CLASP2: variants seen among roughly 807,000 people sequenced by gnomAD.
The protein encoded by CLASP2 is CLIP-associating protein 2.
CLASP2 carries 47 observed loss-of-function variants against 194.4 expected under a neutral mutation model. That is an observed-to-expected ratio of 0.24 (90% confidence interval 0.19 to 0.31). The LOEUF is 0.31. Among genes scored for constraint, CLASP2 ranks in the 10% least tolerant of loss-of-function variants. CLASP2 has a pLI of 1.00. For missense variants in CLASP2, 1,445 were observed against 1,823.6 expected (o/e 0.79, Z 3.78); for synonymous variants, 619 against 633.5 (o/e 0.98, Z 0.34).
chr3:33,683,247 AC>A (rs1259247291), intron 6 of CLASP2: 2 of 152,226 alleles, frequency 1.3e-5, no homozygotes, highest in Non-Finnish European at 2.9e-5. Flanking sequence ...TGAAACAATG[AC>A]AAAAAATATT....
chr3:33,525,114 A>T (rs552126703), intron 34 of CLASP2, among the ~76,000 whole-genome samples: 2 of 152,362 alleles, frequency 1.3e-5, no homozygotes, highest in Admixed American at 1.3e-4. Flanking sequence ...AATCAGTAAC[A>T]GAAGTAAAAC....
intron 34 of CLASP2, among the ~76,000 whole-genome samples, chr3:33,522,651 TTAAGA>T (rs767738811): frequency 1.1e-4 from 16 of 151,944 alleles, no homozygotes; most frequent in Non-Finnish European, 1.8e-4. Context: ...CTCTAAGAAG[TTAAGA>T]TGTGTATAAA....
chr3:33,701,587 C>A (rs1445861169), intron 1 of CLASP2, among the ~76,000 whole-genome samples: 1 of 152,150 alleles, frequency 6.6e-6, no homozygotes, highest in East Asian at 1.9e-4. Flanking sequence ...CAGAGTAATA[C>A]CCTGTCTCAA....
chr3:33,556,550 C>T (rs2060963025), intron 29 of CLASP2, among the ~76,000 whole-genome samples: 1 of 152,006 alleles, frequency 6.6e-6, no homozygotes. Context: ...ATTCTCCTGC[C>T]TCAGCCTCCC....
At position 33,581,828 on chromosome 3, in the gene CLASP2, C is replaced by T. The variant is rs1460799052; in HGVS notation, c.2340G>A (p.Gln780=). Residue 780 remains glutamine, a synonymous_variant, in exon 23 of 39, where the codon CAG becomes CAA. Coordinates refer to ENST00000682230, the MANE Select transcript of CLASP2 (RefSeq NM_001365631.1). Reference sequence around the variant, plus strand: ...ACCTGCCCGAATACGTACCGAGGGGCTGAAAAGAGCGAACAGGACTTGTGT... The same window carrying T: ...ACCTGCCCGAATACGTACCGAGGGGTTGAAAAGAGCGAACAGGACTTGTGT... ...SRDTSPVRSF[Q]PLGPGYGISQ... is the part of the protein sequence containing the mutation. 1 of 1,612,274 alleles carries T rather than the reference C, an allele frequency of 6.2e-7. No homozygotes were observed. The highest frequency in any genetic ancestry group is 8.5e-7 in the Non-Finnish European group (1 of 1,178,778).
chr3:33,517,272 T>A, intron 34 of CLASP2, 98 bp from the exon 35 acceptor site: 1 of 896,968 alleles, frequency 1.1e-6, no homozygotes, highest in Non-Finnish European at 1.6e-6. Flanking sequence ...GATATAACCA[T>A]CATGTTTGCT....
chr3:33,586,133 T>C (rs1046447822), intron 21 of CLASP2, among the ~76,000 whole-genome samples: 1 of 151,888 alleles, frequency 6.6e-6, no homozygotes, highest in Non-Finnish European at 1.5e-5. Flanking sequence ...TCCTTTTCTT[T>C]CTTTTCTTTT....
At chr3:33,642,173 C>T (rs564174055) in intron 8 of CLASP2, among the ~76,000 whole-genome samples, 3 of 151,888 alleles carry the variant, frequency 2.0e-5, no homozygotes, top group South Asian at 4.1e-4. Flanking sequence ...CACTAAAAAT[C>T]CCTGAATCTT....
At chr3:33,536,421 G>C (rs963873923) in intron 33 of CLASP2, among the ~76,000 whole-genome samples, 7 of 152,186 alleles carry the variant, frequency 4.6e-5, no homozygotes, top group African/African-American at 1.7e-4. Flanking sequence ...AATCAGCCAA[G>C]GGGCTATCTG....
At chr3:33,522,043 C>T (rs892672193) in intron 34 of CLASP2, among the ~76,000 whole-genome samples, 2 of 151,970 alleles carry the variant, frequency 1.3e-5, no homozygotes, top group African/African-American at 4.8e-5. Flanking sequence ...CTTCCAAAGA[C>T]CCTTTCCAAG....
At chr3:33,571,014 A>ATTTTTTTTTTTT (rs1276472825) in intron 25 of CLASP2, among the ~76,000 whole-genome samples, 1 of 127,744 alleles carries the variant, frequency 7.8e-6, no homozygotes, top group Admixed American at 8.9e-5. Context: ...TGTCTCTATA[A>ATTTTTTTTTTTT]ATTTTTTTTT....
At chr3:33,702,722 T>A (rs1386438443) in intron 1 of CLASP2, among the ~76,000 whole-genome samples, 1 of 152,222 alleles carries the variant, frequency 6.6e-6, no homozygotes, top group South Asian at 2.1e-4. Context: ...CTTGTATCCA[T>A]AAGAACTTTT....
intron 21 of CLASP2, among the ~76,000 whole-genome samples, chr3:33,585,802 C>T (rs1420552992): frequency 1.3e-5 from 2 of 151,450 alleles, no homozygotes; most frequent in Non-Finnish European, 2.9e-5. Context: ...CAGAGCATGA[C>T]TGTATTAAAA....
chr3:33,635,461 C>G (rs1265750298), intron 8 of CLASP2, among the ~76,000 whole-genome samples: 1 of 152,116 alleles, frequency 6.6e-6, no homozygotes, highest in Non-Finnish European at 1.5e-5. Flanking sequence ...CCAAACATTC[C>G]TGCAGAAGAA....
chr3:33,693,808 T>G (rs1402344546), intron 2 of CLASP2, among the ~76,000 whole-genome samples: 1 of 151,566 alleles, frequency 6.6e-6, no homozygotes, highest in Non-Finnish European at 1.5e-5. Flanking sequence ...CAATATTGAC[T>G]GACAGTAAAT....
chr3:33,554,084 C>T (rs532347177), intron 29 of CLASP2, among the ~76,000 whole-genome samples: 20 of 152,076 alleles, frequency 1.3e-4, no homozygotes, highest in African/African-American at 3.9e-4. Context: ...AAAAATTAGC[C>T]GGGCGTGGTG....
At chr3:33,711,819 A>C (rs1177192376) in intron 1 of CLASP2, among the ~76,000 whole-genome samples, 24 of 152,194 alleles carry the variant, frequency 1.6e-4, no homozygotes, top group Non-Finnish European at 1.9e-4. Flanking sequence ...TTAAAACCAC[A>C]ATGAGATACC....
intron 6 of CLASP2, among the ~76,000 whole-genome samples, chr3:33,677,037 T>G (rs1399226200): frequency 6.6e-6 from 1 of 152,012 alleles, no homozygotes; most frequent in Non-Finnish European, 1.5e-5. Flanking sequence ...TGGCAATCAT[T>G]AAAAAGTCAG....
chr3:33,673,246 G>A (rs959465575), intron 6 of CLASP2, among the ~76,000 whole-genome samples: 1 of 152,162 alleles, frequency 6.6e-6, no homozygotes, highest in Non-Finnish European at 1.5e-5. Flanking sequence ...CAGATGTCTC[G>A]GCAGAAACTC....
Sources: gnomAD v4.1 joint callset for allele counts (sites outside exome capture counted in the v4.1 genomes callset) on GRCh38, gnomAD v4.1.1 for gene constraint, MANE v1.5 for transcripts, NCBI Gene and HGNC (gene_info 2026-07-23, HGNC 2026-07-21) for gene names.